GABRA1: variants seen among roughly 807,000 people sequenced by gnomAD.
The protein encoded by GABRA1 is gamma-aminobutyric acid type A receptor subunit alpha1.
In GABRA1, 9 loss-of-function variants were observed where a neutral mutation model predicts 48.9. The observed-to-expected ratio is 0.18, with a 90% CI of 0.11 to 0.32. The LOEUF (loss-of-function observed/expected upper bound fraction) is 0.32, where lower values mean the gene tolerates loss of function less well. GABRA1 is among the 10% of genes least tolerant of loss of function. The probability of loss-of-function intolerance (pLI) is 1.00; values close to 1 mark genes in which losing one functional copy is unlikely to be tolerated. For synonymous variants in GABRA1, 210 were observed against 198.7 expected (o/e 1.06, Z -0.48); for missense variants, 285 against 553.8 (o/e 0.51, Z 4.87).
intron 5 of GABRA1, among the ~76,000 whole-genome samples, chr5:161,875,130 A>G (rs1023826070): frequency 6.6e-6 from 1 of 152,192 alleles, no homozygotes; most frequent in Non-Finnish European, 1.5e-5. Flanking sequence ...TAGAGAAAGA[A>G]GCAGAGAGAG....
chr5:161,855,640 G>A (rs1020972963), intron 3 of GABRA1, among the ~76,000 whole-genome samples: 1 of 150,654 alleles, frequency 6.6e-6, no homozygotes, highest in African/African-American at 2.5e-5. Flanking sequence ...ATCTCAATTG[G>A]CTTCAAATTT....
intron 4 of GABRA1, 134 bp downstream of exon 4, chr5:161,865,922 T>C: frequency 1.5e-6 from 1 of 650,560 alleles, no homozygotes; most frequent in Non-Finnish European, 2.7e-6. Flanking sequence ...CTGTGTGTAA[T>C]ATGTAATATG....
chr5:161,895,858 T>G lies in GABRA1; in HGVS notation c.1049T>G (p.Val350Gly). 1.2e-6 allele frequency: 2 copies of G among 1,613,822 alleles called. No homozygotes were observed. Among genetic ancestry groups the G allele is most frequent in the Non-Finnish European group, 1.7e-6 (2 of 1,179,712 alleles). Reference protein sequence around the residue: ...RGYAWDGKSVVPEKPKKVKDP... With the variant: ...RGYAWDGKSVGPEKPKKVKDP... ...TATGCATGGGATGGCAAAAGTGTGG[T>G]TCCAGAAAAGGTAAATGCTTTAATG... The change falls in exon 9 of 10, where the codon GTT becomes GGT. Residue 350 changes from valine (V) to glycine (G), a missense_variant. Val to Gly is a moderately radical substitution (Grantham distance 109). Coordinates refer to ENST00000393943, the MANE Select transcript of GABRA1 (RefSeq NM_001127644.2).
At chr5:161,891,334 A>T (rs1755079480) in intron 8 of GABRA1, among the ~76,000 whole-genome samples, 1 of 152,186 alleles carries the variant, frequency 6.6e-6, no homozygotes, top group African/African-American at 2.4e-5. Context: ...ATAATATTAA[A>T]AACTCATAAA....
chr5:161,849,591 T>G (rs1332033161), intron 1 of GABRA1, among the ~76,000 whole-genome samples: 1 of 152,312 alleles, frequency 6.6e-6, no homozygotes, highest in Non-Finnish European at 1.5e-5. Context: ...TTCCCGAGAC[T>G]GCAGAAAGCA....
intron 7 of GABRA1, among the ~76,000 whole-genome samples, chr5:161,890,238 T>C (rs565155912): frequency 1.3e-5 from 2 of 152,206 alleles, no homozygotes; most frequent in East Asian, 3.9e-4. Context: ...TGGTTATTAA[T>C]ACAGATTTTC....
rs1755062135 is a variant in GABRA1 at position 161,890,971 on chromosome 5, G to C, written c.777G>C (p.Leu259=). The part of the protein sequence containing the change: ...KIGYFVIQTY[L]PCIMTVILSQ... The stretch of plus-strand genomic sequence containing the variant: ...GCTACTTTGTTATTCAAACATACCT[G>C]CCATGCATAATGACAGTGATTCTCT... The change falls in exon 8 of 10, where the codon CTG becomes CTC. Residue 259 remains leucine (L), a synonymous_variant. Coordinates refer to ENST00000393943, the MANE Select transcript of GABRA1 (RefSeq NM_001127644.2). 6.2e-7 allele frequency: 1 copy of C among 1,613,236 alleles called. No individual in the cohort carries two copies. Among genetic ancestry groups the C allele is most frequent in the African/African-American group, 1.3e-5 (1 of 75,008 alleles).
At chr5:161,865,389 A>G (rs1758011591) in intron 3 of GABRA1, among the ~76,000 whole-genome samples, 1 of 152,078 alleles carries the variant, frequency 6.6e-6, no homozygotes, top group Admixed American at 6.6e-5. Context: ...CTTAAGCTAT[A>G]CCAACATGTT....
At chr5:161,883,880 AT>A (rs369516921) in intron 7 of GABRA1, among the ~76,000 whole-genome samples, 44 of 149,768 alleles carry the variant, frequency 2.9e-4, no homozygotes, top group Non-Finnish European at 4.5e-4. Context: ...TATGTGTTTT[AT>A]TTTTTTTTTA....
At chr5:161,877,366 A>G (rs995118986) in intron 6 of GABRA1, among the ~76,000 whole-genome samples, 1 of 152,184 alleles carries the variant, frequency 6.6e-6, no homozygotes, top group Non-Finnish European at 1.5e-5. Flanking sequence ...AAAAAAGGAG[A>G]GTTTATCATT....
rs745362654 is a variant in GABRA1 at position 161,897,253 on chromosome 5, A to C, written c.1202A>C (p.Lys401Thr). Residue 401 changes from lysine (K) to threonine (T), a missense_variant, in exon 10 of 10, where the codon AAG (lysine) becomes ACG (threonine). Around this residue, in one of 6 missense-constraint regions of GABRA1, gnomAD observed 99 missense variants for 94.2 expected, o/e 1.05. Coordinates refer to ENST00000393943, the MANE Select transcript of GABRA1 (RefSeq NM_001127644.2). ...KSATIEPKEV[K>T]PETKPPEPKK... ...GCAACCATAGAACCTAAAGAGGTCAAGCCCGAAACAAAACCACCAGAACCC... is the reference window on the plus strand; with the variant it reads ...GCAACCATAGAACCTAAAGAGGTCACGCCCGAAACAAAACCACCAGAACCC... 1.2e-6 allele frequency: 2 copies of C among 1,614,216 alleles called. No homozygotes were observed.
chr5:161,849,056 C>T (rs1232847167), intron 1 of GABRA1: 1 of 441,234 alleles, frequency 2.3e-6, no homozygotes, highest in Non-Finnish European at 4.5e-6. Context: ...GAGCGTGTGT[C>T]TGGGGGAGGG....
rs555933670 is a variant in GABRA1 at position 161,850,776 on chromosome 5, C to T, written c.-15-20C>T. 373 of 1,600,416 alleles carry T rather than the reference C, an allele frequency of 2.3e-4. 2 individuals are homozygous for T. The South Asian group carries it at 4.0e-3, about 17-fold the overall frequency. On this transcript the variant is annotated intron_variant, in intron 1 of 9. Coordinates refer to ENST00000393943, the MANE Select transcript of GABRA1 (RefSeq NM_001127644.2). ...TGTTTCTTGCTAGAGACATTGATCTCTACTTATTCTACTTTTCAGCTGCTC... is the reference window on the plus strand; with the variant it reads ...TGTTTCTTGCTAGAGACATTGATCTTTACTTATTCTACTTTTCAGCTGCTC...
chr5:161,864,079 T>C (rs1009769558), intron 3 of GABRA1, among the ~76,000 whole-genome samples: 5 of 151,974 alleles, frequency 3.3e-5, no homozygotes, highest in African/African-American at 1.2e-4. Context: ...GAGAGGAAAG[T>C]ATAAGGAGGG....
At chr5:161,878,777 T>G (rs1444235785) in intron 6 of GABRA1, among the ~76,000 whole-genome samples, 1 of 152,184 alleles carries the variant, frequency 6.6e-6, no homozygotes, top group East Asian at 1.9e-4. Flanking sequence ...AGAAGAGATT[T>G]GGGTTGCAGA....
At position 161,854,288 on chromosome 5, in the gene GABRA1, A is replaced by AT. The variant is rs747224606; in HGVS notation, c.187+23dup. ...ATTGGGAGGTAGGTTGCATTATTGT[A>AT]TTTTTGTTTTAGAGAATAATATGAG... On this transcript the variant is annotated intron_variant, in intron 3 of 9. Transcript: ENST00000393943. The AT allele has an allele frequency of 1.5e-6, 2 of 1,334,352 alleles. No individual in the cohort carries two copies. The highest frequency in any genetic ancestry group is 3.4e-5 in the Admixed American group (2 of 59,456). The allele number at this position is 1,334,352 out of a possible 1,614,324, so 82.7% of individuals were successfully genotyped here.
chr5:161,893,004 C>CAA (rs201136274), intron 8 of GABRA1, among the ~76,000 whole-genome samples: 38 of 33,962 alleles, frequency 1.1e-3, no homozygotes, highest in African/African-American at 4.5e-3. Flanking sequence ...GACTCCTTCT[C>CAA]AAAAAAATAA....
At chr5:161,863,317 C>A (rs1349022775) in intron 3 of GABRA1, among the ~76,000 whole-genome samples, 2 of 151,816 alleles carry the variant, frequency 1.3e-5, no homozygotes, top group African/African-American at 2.4e-5. Flanking sequence ...AAAGAAAACA[C>A]GATTTATTGG....
chr5:161,866,175 T>A (rs192073936), intron 4 of GABRA1, among the ~76,000 whole-genome samples: 302 of 152,220 alleles, frequency 2.0e-3, no homozygotes, highest in Non-Finnish European at 3.1e-3. Flanking sequence ...ATAAACATTA[T>A]GATTTCTAAA....
Sources: gnomAD v4.1 joint callset for allele counts (sites outside exome capture counted in the v4.1 genomes callset) on GRCh38, gnomAD v4.1.1 for gene constraint, gnomAD v4.1.1 regional missense constraint, MANE v1.5 for transcripts, NCBI Gene and HGNC (gene_info 2026-07-23, HGNC 2026-07-21) for gene names.